The following TNFSF11 variants were observed in gnomAD, a reference collection of about 807,000 sequenced individuals.
TNFSF11 encodes the protein TNF superfamily member 11.
TNFSF11 carries 12 observed loss-of-function variants against 32.2 expected under a neutral mutation model. The ratio of observed to expected loss-of-function variants is 0.37; its 90% CI spans 0.24 to 0.60. TNFSF11 has a LOEUF of 0.60. Among genes scored for constraint, TNFSF11 ranks in the 20% least tolerant of loss-of-function variants. The pLI, the probability that TNFSF11 is intolerant of heterozygous loss-of-function variation, is 0.66. For synonymous variants in TNFSF11, 172 were observed against 152.1 expected (o/e 1.13, Z -0.96); for missense variants, 345 against 398.0 (o/e 0.87, Z 1.13).
upstream of TNFSF11, among the ~76,000 whole-genome samples, chr13:42,572,893 A>C (rs565892444): frequency 6.6e-6 from 1 of 152,338 alleles, no homozygotes; most frequent in South Asian, 2.1e-4. Flanking sequence ...AAGGCACAGT[A>C]GTCCCCTGAT....
intron 1 of TNFSF11, among the ~76,000 whole-genome samples, chr13:42,577,026 G>A (rs1873352606): frequency 6.6e-6 from 1 of 152,090 alleles, no homozygotes; most frequent in South Asian, 2.1e-4. Context: ...CTTTTGGATT[G>A]GAACTTGGTA....
chr13:42,589,028 C>T (rs991968767), intron 2 of TNFSF11, among the ~76,000 whole-genome samples: 11 of 152,208 alleles, frequency 7.2e-5, no homozygotes, highest in African/African-American at 1.7e-4. Context: ...TTCAAGAACA[C>T]TAGGTAGCGG....
At chr13:42,567,651 C>T (rs1305234281) in intron 2 of TNFSF11, among the ~76,000 whole-genome samples, 1 of 152,068 alleles carries the variant, frequency 6.6e-6, no homozygotes, top group Non-Finnish European at 1.5e-5. Flanking sequence ...AGGTCAGATG[C>T]CTCATTATAT....
chr13:42,571,111 T>C (rs1402200149), upstream of TNFSF11, among the ~76,000 whole-genome samples: 1 of 152,148 alleles, frequency 6.6e-6, no homozygotes, highest in African/African-American at 2.4e-5. Context: ...AATGAAGAAA[T>C]GCATGAGTGA....
At chr13:42,572,205 G>A (rs573652612), upstream of TNFSF11, among the ~76,000 whole-genome samples, 1 of 152,208 alleles carries the variant, frequency 6.6e-6, no homozygotes, top group East Asian at 1.9e-4. Flanking sequence ...TGTAACATAC[G>A]GTCCCATATA....
chr13:42,589,039 C>A (rs1274643174), intron 2 of TNFSF11, among the ~76,000 whole-genome samples: 1 of 152,156 alleles, frequency 6.6e-6, no homozygotes, highest in Admixed American at 6.5e-5. Flanking sequence ...TAGGTAGCGG[C>A]GGCGGTGGTG....
chr13:42,579,679 G>A (rs932079159), intron 1 of TNFSF11, among the ~76,000 whole-genome samples: 10 of 142,614 alleles, frequency 7.0e-5, no homozygotes, highest in African/African-American at 2.3e-4. Flanking sequence ...TGGTCTTGTG[G>A]GATACACACC....
chr13:42,599,735 A>G (rs1869063484), intron 2 of TNFSF11, among the ~76,000 whole-genome samples: 1 of 151,892 alleles, frequency 6.6e-6, no homozygotes, highest in Non-Finnish European at 1.5e-5. Context: ...ACACCTGGCT[A>G]ATTTTTGTAT....
At chr13:42,569,419 T>G (rs1268630553), upstream of TNFSF11, among the ~76,000 whole-genome samples, 1 of 151,374 alleles carries the variant, frequency 6.6e-6, no homozygotes, top group Admixed American at 6.6e-5. Context: ...ATGGTGGCGG[T>G]CACCTGTAGT....
intron 4 of TNFSF11, among the ~76,000 whole-genome samples, chr13:42,606,119 T>C (rs1869436303): frequency 6.6e-6 from 1 of 152,238 alleles, no homozygotes; most frequent in Non-Finnish European, 1.5e-5. Flanking sequence ...CACAAAGGCA[T>C]TCTTTACCCT....
rs763230247 is a variant in TNFSF11 at position 42,600,933 on chromosome 13, G to A, written c.484G>A (p.Ala162Thr). The change falls in exon 4 of 5, where the codon GCT becomes ACT. Residue 162 changes from alanine to threonine, a missense_variant. By Grantham distance (58) the Ala-to-Thr change is moderately conservative. Transcript: ENST00000398795. Reference protein sequence around the residue: ...LDLAKRSKLEAQPFAHLTINA... With the variant: ...LDLAKRSKLETQPFAHLTINA... ...TCTGGCCAAGAGGAGCAAGCTTGAA[G>A]CTCAGCCTTTTGCTCATCTCACTAT... 1.7e-5 allele frequency: 28 copies of A among 1,614,008 alleles called. No homozygotes were observed. Among genetic ancestry groups the A allele is most frequent in the Non-Finnish European group, 2.2e-5 (26 of 1,179,994 alleles).
upstream of TNFSF11, among the ~76,000 whole-genome samples, chr13:42,573,774 A>G (rs1432960456): frequency 2.6e-5 from 4 of 152,174 alleles, no homozygotes; most frequent in African/African-American, 9.7e-5. Context: ...AATCCTAAGG[A>G]GGAAACCGAG....
chr13:42,576,700 G>A (rs1873333778), intron 1 of TNFSF11, among the ~76,000 whole-genome samples: 1 of 152,134 alleles, frequency 6.6e-6, no homozygotes, highest in Non-Finnish European at 1.5e-5. Context: ...ACTAGATCGG[G>A]ATGCATTTTA....
At chr13:42,566,100 C>T (rs1050457933) in intron 1 of TNFSF11, among the ~76,000 whole-genome samples, 1 of 152,140 alleles carries the variant, frequency 6.6e-6, no homozygotes, top group African/African-American at 2.4e-5. Context: ...ATGAGCAGAC[C>T]TAAGTATTAG....
At position 42,574,438 on chromosome 13, in the gene TNFSF11, C is replaced by G; in HGVS notation, c.135C>G (p.Ser45=). 1.2e-6 allele frequency: 2 copies of G among 1,605,808 alleles called. No individual in the cohort carries two copies. Among genetic ancestry groups the G allele is most frequent in the Non-Finnish European group, 1.7e-6 (2 of 1,178,864 alleles). Residue 45 remains serine, a synonymous_variant, in exon 1 of 5, where the codon TCC becomes TCG. Coordinates refer to ENST00000398795, the MANE Select transcript of TNFSF11 (RefSeq NM_003701.4). The part of the protein sequence containing the change: ...PPAPHQPPAA[S]RSMFVALLGL... ...CGCCGCACCAGCCCCCTGCCGCCTC[C>G]CGCTCCATGTTCGTGGCCCTCCTGG... is the stretch of plus-strand genomic sequence containing the variant.
At chr13:42,582,305 C>T (rs1328448844) in intron 2 of TNFSF11, among the ~76,000 whole-genome samples, 6 of 152,090 alleles carry the variant, frequency 3.9e-5, no homozygotes, top group Non-Finnish European at 7.3e-5. Flanking sequence ...CAAAGGTGAA[C>T]GTCTGTAATA....
chr13:42,606,803 T>A lies in TNFSF11; in HGVS notation c.839T>A (p.Phe280Tyr). The A allele has an allele frequency of 6.2e-7, 1 of 1,613,550 alleles. No homozygotes were observed. The highest frequency in any genetic ancestry group is 8.5e-7 in the Non-Finnish European group (1 of 1,179,636). ...FHFYSINVGGFFKLRSGEEIS... is the reference protein window; with the variant it reads ...FHFYSINVGGYFKLRSGEEIS... ...TTTTATTCCATAAACGTTGGTGGAT[T>A]TTTTAAGTTACGGTCTGGAGAGGAA... Residue 280 changes from phenylalanine (F) to tyrosine (Y), a missense_variant, in exon 5 of 5, where the codon TTT (phenylalanine) becomes TAT (tyrosine). Phe to Tyr is a conservative substitution (Grantham distance 22). Coordinates refer to ENST00000398795, the MANE Select transcript of TNFSF11 (RefSeq NM_003701.4).
chr13:42,607,865 TG>T lies in TNFSF11; in HGVS notation c.*948del, dbSNP rs200947039. The T allele has an allele frequency of 9.4e-4, 143 of 151,998 alleles. No individual in the cohort carries two copies. The highest frequency in any genetic ancestry group is 2.3e-3 in the East Asian group (12 of 5,290). 9.4% of individuals were successfully genotyped at this position (151,998 alleles called of 1,614,324 possible). Reference sequence around the variant, plus strand: ...CAAGTGCCGCAAATTGTACCTTTTTTGTTTTTTCAAAATAGAAAAGTTATTA... The same window carrying T: ...CAAGTGCCGCAAATTGTACCTTTTTTTTTTTTCAAAATAGAAAAGTTATTA... On this transcript the variant is annotated 3_prime_UTR_variant, in exon 5 of 5. Coordinates refer to ENST00000398795, the MANE Select transcript of TNFSF11 (RefSeq NM_003701.4).
chr13:42,597,428 G>A (rs1448684616), intron 2 of TNFSF11, among the ~76,000 whole-genome samples: 4 of 150,852 alleles, frequency 2.7e-5, no homozygotes, highest in Admixed American at 1.3e-4. Flanking sequence ...AACAAAATGG[G>A]TCCGTAGCAA....
Sources: allele counts gnomAD v4.1 joint callset (sites outside exome capture counted in the v4.1 genomes callset), GRCh38; gene constraint gnomAD v4.1.1; transcripts MANE v1.5; gene names NCBI Gene and HGNC (gene_info 2026-07-23, HGNC 2026-07-21).